Variants in CHD3 observed in about 807,000 individuals in gnomAD.
The protein encoded by CHD3 is chromodomain helicase DNA binding protein 3.
Under a neutral mutation model 248.9 loss-of-function variants are expected in CHD3, and 52 were observed. That is an observed-to-expected ratio of 0.21 (90% CI 0.17 to 0.26). The LOEUF is 0.26. Ranked by LOEUF, CHD3 falls within the 10% of genes least tolerant of loss-of-function variation. CHD3 has a pLI of 1.00. For synonymous variants in CHD3, 985 were observed against 985.2 expected, an observed-to-expected ratio of 1.00 and a Z score of 0.00; for missense variants, 1,482 against 2,605.8, an observed-to-expected ratio of 0.57 and a Z score of 9.39.
rs748034906 is a variant in CHD3 at position 7,893,295 on chromosome 17, T to C, written c.519T>C (p.Ile173=). 2 of 1,608,306 alleles carry C rather than the reference T, an allele frequency of 1.2e-6. No individual in the cohort carries two copies. Among genetic ancestry groups the C allele is most frequent in the Non-Finnish European group, 1.7e-6 (2 of 1,176,336 alleles). ...GCTTCTATATTTACAGGCCCCTAAT[T>C]GCTAAGAAGAATCCTAAGATCCCAA... The part of the protein sequence containing the change: ...KAFSQFMRPL[I]AKKNPKIPMS... The change falls in exon 5 of 40, where the codon ATT becomes ATC. Residue 173 remains isoleucine (I), a synonymous_variant. Transcript: ENST00000330494.
rs1156449264 is a variant in CHD3 at position 7,894,466 on chromosome 17, C to T, written c.1127C>T (p.Thr376Met). ...AGEEEVDGYE[T>M]DHQDYCEVCQ... ...GAGGAGGAGGTTGATGGCTACGAGA[C>T]GGATCACCAGGATTACTGTGAGGTG... is the stretch of plus-strand genomic sequence containing the variant. The change falls in exon 8 of 40, where the codon ACG (threonine) becomes ATG (methionine). Residue 376 changes from threonine to methionine, a missense_variant. Coordinates refer to ENST00000330494, the MANE Select transcript of CHD3 (RefSeq NM_001005273.3). 4 of 1,613,962 alleles carry T rather than the reference C, an allele frequency of 2.5e-6. No individual in the cohort carries two copies. Among genetic ancestry groups the T allele is most frequent in the Admixed American group, 1.7e-5 (1 of 59,998 alleles).
intron 20 of CHD3, among the ~76,000 whole-genome samples, 194 bp from the exon 21 acceptor site, chr17:7,902,416 A>G (rs1970424208): frequency 6.6e-6 from 1 of 151,938 alleles, no homozygotes; most frequent in Non-Finnish European, 1.5e-5. Flanking sequence ...ATGAGACTCC[A>G]TCTCAAAAAA....
chr17:7,898,147 G>T (rs759656500), intron 12 of CHD3, 45 bp downstream of exon 12: 1 of 1,604,222 alleles, frequency 6.2e-7, no homozygotes, highest in Admixed American at 1.7e-5. Flanking sequence ...GACGATGAGG[G>T]CATGAAAGCC....
Position 7,911,880 on chromosome 17 carries a change from C to T in CHD3, c.*295C>T. 1 of 619,294 alleles carries T rather than the reference C, an allele frequency of 1.6e-6. No individual in the cohort carries two copies. Among genetic ancestry groups the T allele is most frequent in the Non-Finnish European group, 2.5e-6 (1 of 396,864 alleles). 38.4% of individuals were successfully genotyped at this position (619,294 alleles called of 1,614,324 possible). A position where few individuals can be genotyped will look rare whatever the true frequency, so the allele number is the denominator to read the frequency against. ...TTCCTCCCACACTGCCAAGTATACA[C>T]AACTTCCCAGTAAATGGTTGTGGGG... On this transcript the variant is annotated 3_prime_UTR_variant, in exon 40 of 40. Transcript: ENST00000330494. The surrounding 1 kb of genome is among the most constrained non-coding windows in gnomAD (Gnocchi z 5.4).
At position 7,902,683 on chromosome 17, in the gene CHD3, G is replaced by T; in HGVS notation, c.3326G>T (p.Gly1109Val). The T allele has an allele frequency of 6.2e-7, 1 of 1,614,066 alleles. No homozygotes were observed. The highest frequency in any genetic ancestry group is 8.5e-7 in the Non-Finnish European group (1 of 1,179,958). ...TACAAGTATGAGCGCATCGATGGTG[G>T]TATCACGGGTGCCCTGAGGCAGGAG... Reference protein sequence around the residue: ...EGYKYERIDGGITGALRQEAI... With the variant: ...EGYKYERIDGVITGALRQEAI... The change falls in exon 21 of 40, where the codon GGT becomes GTT. Residue 1109 changes from glycine (G) to valine (V), a missense_variant. By Grantham distance (109) the Gly-to-Val change is moderately radical. This residue lies in a region of CHD3 where 18 missense variants were observed against 45.2 expected (regional missense o/e 0.40). Coordinates refer to ENST00000330494, the MANE Select transcript of CHD3 (RefSeq NM_001005273.3).
Position 7,895,269 on chromosome 17 carries a change from A to G in CHD3, c.1504-70A>G, listed in dbSNP as rs566607044. 6.9e-6 allele frequency: 11 copies of G among 1,586,508 alleles called. No individual in the cohort carries two copies. The highest frequency in any genetic ancestry group is 1.7e-4 in the Middle Eastern group (1 of 5,848). ...ACTCCCCCACCCTTGTGGGACCCCTATCTTCTCATCTAACAATGGGTTCTT... is the reference window on the plus strand; with the variant it reads ...ACTCCCCCACCCTTGTGGGACCCCTGTCTTCTCATCTAACAATGGGTTCTT... On this transcript the variant is annotated intron_variant, in intron 9 of 39. Coordinates refer to ENST00000330494, the MANE Select transcript of CHD3 (RefSeq NM_001005273.3). This position sits in a 1 kb window ranked among gnomAD's most constrained non-coding sequence, Gnocchi z 4.9.
chr17:7,908,559 A>C lies in CHD3; in HGVS notation c.5261+49A>C, dbSNP rs1462461481. ...AAGGAAAAGGTTCTCTCAAGCTGGC[A>C]AAAAAAAAAAAGATGATTTCACACC... On this transcript the variant is annotated intron_variant, in intron 35 of 39. Transcript: ENST00000330494. The surrounding 1 kb of genome is among the most constrained non-coding windows in gnomAD (Gnocchi z 5.8). 6 of 429,250 alleles carry C rather than the reference A, an allele frequency of 1.4e-5. No individual in the cohort carries two copies. The highest frequency in any genetic ancestry group is 1.2e-4 in the African/African-American group (5 of 43,382). 26.6% of individuals were successfully genotyped at this position (429,250 alleles called of 1,614,324 possible).
At chr17:7,892,496 CTTTT>C (rs34196029) in intron 4 of CHD3, among the ~76,000 whole-genome samples, 6 of 112,468 alleles carry the variant, frequency 5.3e-5, no homozygotes, top group East Asian at 2.8e-4. Flanking sequence ...TTTATTTCCC[CTTTT>C]TTTTTTTTTT....
At position 7,908,423 on chromosome 17, in the gene CHD3, A is replaced by G. The variant is rs751074240; in HGVS notation, c.5174A>G (p.Asn1725Ser). The G allele has an allele frequency of 3.1e-6, 5 of 1,613,620 alleles. No homozygotes were observed. Among genetic ancestry groups the G allele is most frequent in the Non-Finnish European group, 4.2e-6 (5 of 1,179,740 alleles). The change falls in exon 35 of 40, where the codon AAT becomes AGT. Residue 1725 changes from asparagine to serine, a missense_variant. Asn to Ser is a conservative substitution (Grantham distance 46). Around this residue, in one of 20 missense-constraint regions of CHD3, gnomAD observed 36 missense variants for 70.4 expected, o/e 0.51. Transcript: ENST00000330494. The surrounding 1 kb of genome is among the most constrained non-coding windows in gnomAD (Gnocchi z 5.8). ...GFTELHTLWQ[N>S]EERAAISSGK... Reference sequence around the variant, plus strand: ...GCAGAGCTTCACACACTGTGGCAGAATGAGGAACGGGCAGCTATTTCCTCG... The same window carrying G: ...GCAGAGCTTCACACACTGTGGCAGAGTGAGGAACGGGCAGCTATTTCCTCG...
chr17:7,904,437 T>G lies in CHD3; in HGVS notation c.3895-5T>G. On this transcript the variant is annotated splice_region_variant and splice_polypyrimidine_tract_variant and intron_variant, in intron 24 of 39. Transcript: ENST00000330494. The surrounding 1 kb of genome is among the most constrained non-coding windows in gnomAD (Gnocchi z 4.4). ...CCAGTGTTCATTCATTCTGTTGCCC[T>G]TCAGATTGAGGAAATTGAGCGAGAG... 2 of 1,611,630 alleles carry G rather than the reference T, an allele frequency of 1.2e-6. No homozygotes were observed. The highest frequency in any genetic ancestry group is 4.5e-5 in the East Asian group (2 of 44,796).
In CHD3 at chr17:7,897,824, C is replaced by T; in HGVS notation, c.1920-147C>T. ...AGGTTAGGCTGCTAGGTCAACTATT[C>T]CAATCTCCCTTCCAGCAGCTCACTG... On this transcript the variant is annotated intron_variant, in intron 11 of 39. Coordinates refer to ENST00000330494, the MANE Select transcript of CHD3 (RefSeq NM_001005273.3). This position sits in a 1 kb window ranked among gnomAD's most constrained non-coding sequence, Gnocchi z 4.8. 1 of 838,736 alleles carries T rather than the reference C, an allele frequency of 1.2e-6. No homozygotes were observed. The highest frequency in any genetic ancestry group is 2.5e-5 in the East Asian group (1 of 39,560). The allele number at this position is 838,736 out of a possible 1,614,324, so 52.0% of individuals were successfully genotyped here.
At position 7,910,671 on chromosome 17, in the gene CHD3, T is replaced by G; in HGVS notation, c.5754+80T>G. The stretch of plus-strand genomic sequence containing the variant: ...CATACAAACACTTCCATCAGAATCC[T>G]ATACAATATGGAAAAACAACTTGCT... On this transcript the variant is annotated intron_variant, in intron 38 of 39. Transcript: ENST00000330494. This position sits in a 1 kb window ranked among gnomAD's most constrained non-coding sequence, Gnocchi z 4.7. 6.5e-7 allele frequency: 1 copy of G among 1,532,044 alleles called. No individual in the cohort carries two copies. Among genetic ancestry groups the G allele is most frequent in the South Asian group, 1.2e-5 (1 of 80,664 alleles). The allele number at this position is 1,532,044 out of a possible 1,614,324, so 94.9% of individuals were successfully genotyped here.
At chr17:7,893,596 C>A in intron 5 of CHD3, 27 bp downstream of exon 5, 2 of 1,542,858 alleles carry the variant, frequency 1.3e-6, no homozygotes, top group South Asian at 2.5e-5. Flanking sequence ...CAACAACTGT[C>A]ATCTCACCTT....
At position 7,889,726 on chromosome 17, in the gene CHD3, A is replaced by G; in HGVS notation, c.163A>G (p.Lys55Glu). 1 of 1,613,570 alleles carries G rather than the reference A, an allele frequency of 6.2e-7. No homozygotes were observed. Residue 55 changes from lysine to glutamate, a missense_variant, in exon 2 of 40, where the codon AAG becomes GAG. Transcript: ENST00000330494. This position sits in a 1 kb window ranked among gnomAD's most constrained non-coding sequence, Gnocchi z 4.5. ...LGVKKRKRGP[K>E]KQKENKPGKP... ...TGTGAAGAAGAGAAAACGAGGACCCAAGAAGCAGAAGGAGAACAAGCCAGG... is the reference window on the plus strand; with the variant it reads ...TGTGAAGAAGAGAAAACGAGGACCCGAGAAGCAGAAGGAGAACAAGCCAGG...
chr17:7,887,975 G>T (rs1036172389), upstream of CHD3, among the ~76,000 whole-genome samples: 1 of 152,234 alleles, frequency 6.6e-6, no homozygotes, highest in Admixed American at 6.5e-5. Context: ...GAACCGGCTT[G>T]TGCACCACCC....
intron 2 of CHD3, among the ~76,000 whole-genome samples, chr17:7,890,007 C>T (rs758679821): frequency 3.9e-5 from 6 of 152,200 alleles, no homozygotes; most frequent in Non-Finnish European, 7.3e-5. Flanking sequence ...AGTGTGTCCT[C>T]AGCAGCAAAG....
At position 7,905,572 on chromosome 17, in the gene CHD3, G is replaced by C; in HGVS notation, c.4139-49G>C. Reference sequence around the variant, plus strand: ...GAATGGGGTGCTAAGGAGGACTGAGGCTTAGAGGAGGTGGTGGCTCAGCTA... The same window carrying C: ...GAATGGGGTGCTAAGGAGGACTGAGCCTTAGAGGAGGTGGTGGCTCAGCTA... On this transcript the variant is annotated intron_variant, in intron 26 of 39. Coordinates refer to ENST00000330494, the MANE Select transcript of CHD3 (RefSeq NM_001005273.3). This position sits in a 1 kb window ranked among gnomAD's most constrained non-coding sequence, Gnocchi z 5.8. 7.1e-7 allele frequency: 1 copy of C among 1,407,962 alleles called. No homozygotes were observed. The allele number at this position is 1,407,962 out of a possible 1,614,324, so 87.2% of individuals were successfully genotyped here.
At chr17:7,884,817 C>T (rs1209722740), upstream of CHD3, 9 of 835,270 alleles carry the variant, frequency 1.1e-5, no homozygotes, top group Non-Finnish European at 1.5e-5. Context: ...ATGGCTTCCC[C>T]TCTGAGGGAC....
At position 7,908,133 on chromosome 17, in the gene CHD3, A is replaced by C. The variant is rs1971227302; in HGVS notation, c.5152+114A>C. ...CTTTAATTCCAAGTAACTTCCAATG[A>C]AGTATGTTGCATGCTGACTCCGATC... On this transcript the variant is annotated intron_variant, in intron 34 of 39. Coordinates refer to ENST00000330494, the MANE Select transcript of CHD3 (RefSeq NM_001005273.3). The surrounding 1 kb of genome is among the most constrained non-coding windows in gnomAD (Gnocchi z 5.8). 6 of 1,306,992 alleles carry C rather than the reference A, an allele frequency of 4.6e-6. No homozygotes were observed. Among genetic ancestry groups the C allele is most frequent in the Admixed American group, 2.3e-5 (1 of 44,208 alleles). The allele number at this position is 1,306,992 out of a possible 1,614,324, so 81.0% of individuals were successfully genotyped here. A position where few individuals can be genotyped will look rare whatever the true frequency, so the allele number is the denominator to read the frequency against.
Sources: gnomAD v4.1 joint callset for allele counts (sites outside exome capture counted in the v4.1 genomes callset) on GRCh38, gnomAD v4.1.1 for gene constraint, gnomAD v4.1.1 regional missense constraint, Gnocchi (gnomAD v3.1) non-coding constraint, MANE v1.5 for transcripts, NCBI Gene and HGNC (gene_info 2026-07-23, HGNC 2026-07-21) for gene names.